TGM6: variants seen among roughly 807,000 people sequenced by gnomAD.
TGM6 encodes the protein transglutaminase 6, also known as protein-glutamine gamma-glutamyltransferase 6.
Under a neutral mutation model 77.5 loss-of-function variants are expected in TGM6, and 74 were observed. The ratio of observed to expected loss-of-function variants is 0.96; its 90% CI spans 0.79 to 1.16. TGM6 has a LOEUF of 1.16. TGM6 is among the 50% of genes most tolerant of loss of function. The probability of loss-of-function intolerance (pLI) is 0.00; values close to 1 mark genes in which losing one functional copy is unlikely to be tolerated. For missense variants in TGM6, 968 were observed against 940.2 expected, an observed-to-expected ratio of 1.03 and a Z score of -0.39; for synonymous variants, 383 against 378.9, an observed-to-expected ratio of 1.01 and a Z score of -0.12.
chr20:2,408,271 C>A (rs2084764855), intron 9 of TGM6, among the ~76,000 whole-genome samples: 1 of 152,212 alleles, frequency 6.6e-6, no homozygotes, highest in South Asian at 2.1e-4. Flanking sequence ...AGAGCTAGAG[C>A]ACAAAGATTC....
At chr20:2,398,309 T>C (rs1329404053) in intron 5 of TGM6, among the ~76,000 whole-genome samples, 2 of 152,194 alleles carry the variant, frequency 1.3e-5, no homozygotes, top group Non-Finnish European at 2.9e-5. Flanking sequence ...TGACTGCATA[T>C]GTCTGGGATG....
chr20:2,430,388 C>T, intron 10 of TGM6, 58 bp from the exon 11 acceptor site: 3 of 1,599,768 alleles, frequency 1.9e-6, no homozygotes, highest in South Asian at 2.2e-5. Context: ...TTCCTTCTTC[C>T]CAGTGCCATT....
At chr20:2,399,260 A>G (rs982804024) in intron 5 of TGM6, among the ~76,000 whole-genome samples, 5 of 152,180 alleles carry the variant, frequency 3.3e-5, no homozygotes, top group African/African-American at 7.2e-5. Flanking sequence ...AATAAATGTT[A>G]GCTGTCCCTA....
chr20:2,383,394 G>A lies in TGM6; in HGVS notation c.7+2419G>A, dbSNP rs112792512. ...GTGGGGATGGGTGGAGAGCTAAGTC[G>A]GCAGGAGGCAATGTTCTGCACATGG... On this transcript the variant is annotated intron_variant, in intron 1 of 12. Coordinates refer to ENST00000202625, the MANE Select transcript of TGM6 (RefSeq NM_198994.3). Among the ~76,000 whole-genome samples, 1,179 of 152,258 alleles carry A rather than the reference G, an allele frequency of 7.7e-3. 12 individuals carry two copies. Among genetic ancestry groups the A allele is most frequent in the African/African-American group, 0.021 (862 of 41,550 alleles).
chr20:2,400,199 G>A lies in TGM6; in HGVS notation c.851-107G>A. On this transcript the variant is annotated intron_variant, in intron 6 of 12. Transcript: ENST00000202625. ...AACTAGACACACAGACAAAGATGGG[G>A]TGGCAGAGGGCTTTGGCCACAAATG... 1.3e-6 allele frequency: 2 copies of A among 1,507,586 alleles called. 1 individual carries two copies. The highest frequency in any genetic ancestry group is 1.8e-6 in the Non-Finnish European group (2 of 1,097,684). 93.4% of individuals were successfully genotyped at this position (1,507,586 alleles called of 1,614,324 possible). A position where few individuals can be genotyped will look rare whatever the true frequency, so the allele number is the denominator to read the frequency against.
chr20:2,389,032 T>C (rs921793391), intron 1 of TGM6, among the ~76,000 whole-genome samples: 29 of 152,220 alleles, frequency 1.9e-4, no homozygotes, highest in African/African-American at 6.0e-4. Context: ...AGATGGGGCA[T>C]GTTCCTTCTC....
At position 2,416,481 on chromosome 20, in the gene TGM6, A is replaced by G. The variant is rs927462093; in HGVS notation, c.1337-751A>G. ...CCACATGCAAAAGAATGAAGTTGTT[A>G]TACCCTACAGTTCTGTAATCATATT... On this transcript the variant is annotated intron_variant, in intron 9 of 12. Transcript: ENST00000202625. Among the ~76,000 whole-genome samples the G allele has an allele frequency of 1.2e-4, 18 of 152,370 alleles. No individual in the cohort carries two copies. In the South Asian group the frequency reaches 3.1e-3, roughly 26 times the overall value.
chr20:2,400,534 G>A, intron 7 of TGM6, 90 bp downstream of exon 7: 1 of 1,582,080 alleles, frequency 6.3e-7, no homozygotes, highest in Non-Finnish European at 8.6e-7. Flanking sequence ...CCAGGGAGCG[G>A]CAGGCCCAGA....
At chr20:2,396,375 C>T (rs1170518320) in intron 3 of TGM6, 131 bp from the exon 4 acceptor site, 6 of 864,286 alleles carry the variant, frequency 6.9e-6, no homozygotes, top group African/African-American at 5.0e-5. Context: ...AGCTCGCAAG[C>T]CCCCTCTTGA....
At chr20:2,413,087 G>T (rs766626865) in intron 9 of TGM6, among the ~76,000 whole-genome samples, 8 of 152,082 alleles carry the variant, frequency 5.3e-5, no homozygotes, top group Non-Finnish European at 8.8e-5. Context: ...TCTTGAAAAA[G>T]AAGTTGGAGG....
intron 7 of TGM6, 95 bp downstream of exon 7, chr20:2,400,539 C>A: frequency 6.4e-7 from 1 of 1,558,354 alleles, no homozygotes; most frequent in Non-Finnish European, 8.8e-7. Context: ...GAGCGGCAGG[C>A]CCAGAGCCCA....
intron 10 of TGM6, among the ~76,000 whole-genome samples, chr20:2,423,618 A>G (rs2084870285): frequency 6.6e-6 from 1 of 152,118 alleles, no homozygotes; most frequent in African/African-American, 2.4e-5. Flanking sequence ...CATCCATAAG[A>G]GTTGGAATCA....
chr20:2,414,892 G>T (rs1167003764), intron 9 of TGM6, among the ~76,000 whole-genome samples: 2 of 150,420 alleles, frequency 1.3e-5, no homozygotes, highest in Non-Finnish European at 3.0e-5. Context: ...CTGGGGTTGG[G>T]GTGGGGAGGA....
At chr20:2,388,550 T>C (rs2084610759) in intron 1 of TGM6, among the ~76,000 whole-genome samples, 2 of 151,914 alleles carry the variant, frequency 1.3e-5, no homozygotes, top group Non-Finnish European at 2.9e-5. Context: ...GATGGGAGGA[T>C]TGCTTGAGGC....
chr20:2,411,558 G>A (rs568834527), intron 9 of TGM6, among the ~76,000 whole-genome samples: 36 of 152,186 alleles, frequency 2.4e-4, no homozygotes, highest in African/African-American at 6.5e-4. Flanking sequence ...ATAGTGAAAC[G>A]TTGAACATTT....
In TGM6 at chr20:2,394,567, G is replaced by C. The variant is rs555352330; in HGVS notation, c.123G>C (p.Thr41=). ...GCAGGGGCCAGTCGTTCAGCCTCAC[G>C]CTGGAGCTGAGCAGAGCCCTGGACT... ...VVRRGQSFSL[T]LELSRALDCE... The change falls in exon 2 of 13, where the codon ACG becomes ACC. Residue 41 remains threonine (T), a synonymous_variant. Transcript: ENST00000202625. 1.9e-6 allele frequency: 3 copies of C among 1,612,308 alleles called. No individual in the cohort carries two copies. Among genetic ancestry groups the C allele is most frequent in the Non-Finnish European group, 2.5e-6 (3 of 1,179,834 alleles).
At chr20:2,389,309 A>T (rs2084615798) in intron 1 of TGM6, among the ~76,000 whole-genome samples, 1 of 152,146 alleles carries the variant, frequency 6.6e-6, no homozygotes, top group South Asian at 2.1e-4. Flanking sequence ...TTTAAAGTGG[A>T]TCCTCCAGCC....
chr20:2,398,407 T>G (rs2122357380), intron 5 of TGM6, among the ~76,000 whole-genome samples: 1 of 152,260 alleles, frequency 6.6e-6, no homozygotes, highest in South Asian at 2.1e-4. Context: ...GGAACTGGAA[T>G]GTCCAGGATG....
chr20:2,390,709 A>G (rs1197955850), intron 1 of TGM6, among the ~76,000 whole-genome samples: 1 of 152,186 alleles, frequency 6.6e-6, no homozygotes, highest in African/African-American at 2.4e-5. Context: ...AAAATAGTGG[A>G]GAAGGAGAGT....
Sources: gnomAD v4.1 joint callset for allele counts (sites outside exome capture counted in the v4.1 genomes callset) on GRCh38, gnomAD v4.1.1 for gene constraint, MANE v1.5 for transcripts, NCBI Gene and HGNC (gene_info 2026-07-23, HGNC 2026-07-21) for gene names.